RSRC2: variants seen among roughly 807,000 people sequenced by gnomAD.
RSRC2 encodes arginine/serine-rich coiled-coil protein 2.
A neutral mutation model predicts 61.3 loss-of-function variants in RSRC2; 5 were observed. The observed-to-expected ratio is 0.08, with a 90% CI of 0.04 to 0.17. RSRC2 has a LOEUF of 0.17. Among genes scored for constraint, RSRC2 ranks in the 10% least tolerant of loss-of-function variants. The pLI is 1.00. For synonymous variants in RSRC2, 202 were observed against 166.5 expected (o/e 1.21, Z -1.64); for missense variants, 381 against 518.8 (o/e 0.73, Z 2.58).
chr12:122,520,735 C>T (rs1331092931), intron 3 of RSRC2: 3 of 393,484 alleles, frequency 7.6e-6, no homozygotes, highest in African/African-American at 2.1e-5. Flanking sequence ...CCTTACCCAG[C>T]CCCCACAAGA....
intron 6 of RSRC2, among the ~76,000 whole-genome samples, chr12:122,514,397 T>C (rs1212593576): frequency 6.6e-6 from 1 of 151,672 alleles, no homozygotes; most frequent in African/African-American, 2.4e-5. Flanking sequence ...CCAGAGTAGC[T>C]GGGATTACAG....
At chr12:122,506,411 G>A (rs1226388989) in intron 9 of RSRC2, 2 of 160,706 alleles carry the variant, frequency 1.2e-5, no homozygotes, top group African/African-American at 4.8e-5. Context: ...ATATGTAGAA[G>A]ATGTCAGGGT....
chr12:122,517,148 T>G, intron 5 of RSRC2, 79 bp downstream of exon 5: 1 of 1,588,374 alleles, frequency 6.3e-7, no homozygotes, highest in Admixed American at 1.7e-5. Flanking sequence ...ACTCACAATT[T>G]TAATACTCTC....
chr12:122,520,328 C>T (rs1352867345), intron 3 of RSRC2: 6 of 351,158 alleles, frequency 1.7e-5, no homozygotes, highest in South Asian at 4.6e-5. Flanking sequence ...CTTGGTTTTG[C>T]TATAACGAGG....
chr12:122,517,596 C>T (rs6416298), intron 4 of RSRC2, among the ~76,000 whole-genome samples, 166 bp from the exon 5 acceptor site: 122,065 of 152,138 alleles, frequency 0.8, 49,705 homozygotes, highest in African/African-American at 0.93. Flanking sequence ...TAACTGAAAA[C>T]GAACCCTTCA....
chr12:122,512,158 T>C (rs1236317382), intron 6 of RSRC2, among the ~76,000 whole-genome samples: 1 of 152,212 alleles, frequency 6.6e-6, no homozygotes, highest in South Asian at 2.1e-4. Context: ...GTAGTGTGCA[T>C]ACATTAAATT....
intron 9 of RSRC2, 57 bp from the exon 10 acceptor site, chr12:122,505,763 AC>A: frequency 7.1e-7 from 1 of 1,409,832 alleles, no homozygotes; most frequent in Non-Finnish European, 9.7e-7. Flanking sequence ...ATATTCTCTC[AC>A]TTGACACTAT....
intron 7 of RSRC2, 24 bp from the exon 8 acceptor site, chr12:122,508,471 GGATTTTAAAAC>G (rs776336369): frequency 3.8e-6 from 6 of 1,560,458 alleles, no homozygotes; most frequent in Middle Eastern, 1.7e-4. Flanking sequence ...ATACAAAAAT[GGATTTTAAAAC>G]GATTTTAAAA....
intron 6 of RSRC2, chr12:122,514,879 G>A: frequency 1.5e-6 from 1 of 681,410 alleles, no homozygotes; most frequent in Non-Finnish European, 2.2e-6. Context: ...AATGAAATCA[G>A]TTAAATCATG....
chr12:122,521,733 G>A (rs2137542727), intron 2 of RSRC2, among the ~76,000 whole-genome samples: 1 of 152,100 alleles, frequency 6.6e-6, no homozygotes, highest in South Asian at 2.1e-4. Context: ...TTCATAAGGG[G>A]GTTTAATAGA....
Position 122,517,551 on chromosome 12 carries a change from T to C in RSRC2, c.399-121A>G, listed in dbSNP as rs925631603. On this transcript the variant is annotated intron_variant, in intron 4 of 9. Coordinates refer to ENST00000331738, the MANE Select transcript of RSRC2 (RefSeq NM_023012.6). ...ACAAGCAAGTAACTGCACTATATTA[T>C]TTACAGAAATAAGCGAGATTTTCAA... The C allele has an allele frequency of 1.7e-5, 20 of 1,163,660 alleles. No homozygotes were observed. The African/African-American group carries it at 2.3e-4, about 14-fold the overall frequency. 72.1% of individuals were successfully genotyped at this position (1,163,660 alleles called of 1,614,324 possible). A position where few individuals can be genotyped will look rare whatever the true frequency, so the allele number is the denominator to read the frequency against.
At chr12:122,524,050 T>C (rs1187808941) in intron 1 of RSRC2, among the ~76,000 whole-genome samples, 1 of 152,218 alleles carries the variant, frequency 6.6e-6, no homozygotes, top group Non-Finnish European at 1.5e-5. Flanking sequence ...GGGTGACTTC[T>C]GGAACCATAA....
chr12:122,522,361 TAA>T lies in RSRC2; in HGVS notation c.7-64_7-63del, dbSNP rs1959342975. ...TACATTTTAAATGTTTTCAATTTCT[TAA>T]AAGAGGGACAAAGGGAGGGAAGATA... On this transcript the variant is annotated intron_variant, in intron 1 of 9. Transcript: ENST00000331738. The T allele has an allele frequency of 1.1e-5, 16 of 1,439,828 alleles. No individual in the cohort carries two copies. The South Asian group carries it at 2.0e-4, about 18-fold the overall frequency. The allele number at this position is 1,439,828 out of a possible 1,614,324, so 89.2% of individuals were successfully genotyped here. A position where few individuals can be genotyped will look rare whatever the true frequency, so the allele number is the denominator to read the frequency against.
chr12:122,526,235 G>C (rs1367762256), intron 1 of RSRC2: 1 of 152,450 alleles, frequency 6.6e-6, no homozygotes, highest in Non-Finnish European at 1.5e-5. Context: ...GCATCAGTCA[G>C]AATTGGTAGT....
intron 1 of RSRC2, among the ~76,000 whole-genome samples, chr12:122,525,801 G>GTTTTTTTTTTTTTTTTTTTTT (rs1169838098): frequency 4.7e-5 from 1 of 21,498 alleles, no homozygotes; most frequent in African/African-American, 3.7e-4. Context: ...TCAACGAAGA[G>GTTTTTTTTTTTTTTTTTTTTT]TTTTTTTTTT....
At chr12:122,523,347 T>A (rs577146413) in intron 1 of RSRC2, 1 of 152,222 alleles carries the variant, frequency 6.6e-6, no homozygotes, top group South Asian at 2.1e-4. Context: ...AAAACCCTGC[T>A]TCTACTAAAA....
intron 7 of RSRC2, among the ~76,000 whole-genome samples, chr12:122,509,311 G>A (rs769686229): frequency 6.6e-6 from 1 of 151,480 alleles, no homozygotes; most frequent in Non-Finnish European, 1.5e-5. Flanking sequence ...TTAGCCAGGC[G>A]TGGTGGCAGG....
In RSRC2 at chr12:122,514,229, G is replaced by C. The variant is rs373825124; in HGVS notation, c.725+876C>G. On this transcript the variant is annotated intron_variant, in intron 6 of 9. Transcript: ENST00000331738. Reference sequence around the variant, plus strand: ...TGTGGTTTCACCATTACTCATCTTTGAAACAGCAGAAAATTTATTTTTGTG... The same window carrying C: ...TGTGGTTTCACCATTACTCATCTTTCAAACAGCAGAAAATTTATTTTTGTG... Among the ~76,000 whole-genome samples, 95 of 150,258 alleles carry C rather than the reference G, an allele frequency of 6.3e-4. 1 individual carries two copies. The highest frequency in any genetic ancestry group is 2.3e-3 in the African/African-American group (94 of 41,014).
intron 5 of RSRC2, among the ~76,000 whole-genome samples, chr12:122,516,775 C>T (rs1156392453): frequency 6.6e-6 from 1 of 152,188 alleles, no homozygotes; most frequent in Non-Finnish European, 1.5e-5. Context: ...TCACTGCAAC[C>T]TCTGCCTTCT....
Sources: allele counts gnomAD v4.1 joint callset (sites outside exome capture counted in the v4.1 genomes callset), GRCh38; gene constraint gnomAD v4.1.1; transcripts MANE v1.5; gene names NCBI Gene and HGNC (gene_info 2026-07-23, HGNC 2026-07-21).